Variants in PLXNA2 observed in about 807,000 individuals in gnomAD.
PLXNA2 encodes the protein plexin-A2.
In PLXNA2, 91 loss-of-function variants were observed where a neutral mutation model predicts 193.5. That is an observed-to-expected ratio of 0.47 (90% confidence interval 0.40 to 0.56). The LOEUF is 0.56. Ranked by LOEUF, PLXNA2 falls within the 20% of genes least tolerant of loss-of-function variation. The pLI, the probability that PLXNA2 is intolerant of heterozygous loss-of-function variation, is 0.00. For synonymous variants in PLXNA2, 997 were observed against 1,027.3 expected (o/e 0.97, Z 0.56); for missense variants, 1,995 against 2,503.2 (o/e 0.80, Z 4.33).
chr1:208,147,877 A>G (rs1346221031), intron 3 of PLXNA2, among the ~76,000 whole-genome samples: 1 of 152,090 alleles, frequency 6.6e-6, no homozygotes, highest in Non-Finnish European at 1.5e-5. Context: ...ACAATCTCCT[A>G]TTTCCTGGGG....
At chr1:208,240,637 C>G (rs578020672) in intron 1 of PLXNA2, among the ~76,000 whole-genome samples, 1 of 151,908 alleles carries the variant, frequency 6.6e-6, no homozygotes, top group African/African-American at 2.4e-5. Context: ...GGAACGCACA[C>G]GAGCTGTAAA....
At chr1:208,136,738 G>A (rs141043783) in intron 4 of PLXNA2, among the ~76,000 whole-genome samples, 42 of 152,326 alleles carry the variant, frequency 2.8e-4, no homozygotes, top group Non-Finnish European at 4.6e-4. Context: ...GGCAGCGCTT[G>A]GGAGTAAGCA....
chr1:208,222,396 C>A (rs1436079421), intron 1 of PLXNA2, among the ~76,000 whole-genome samples: 1 of 152,144 alleles, frequency 6.6e-6, no homozygotes, highest in Admixed American at 6.5e-5. Context: ...GTATGCTGCT[C>A]CAGGACTCTC....
intron 13 of PLXNA2, among the ~76,000 whole-genome samples, chr1:208,058,931 G>A (rs187586425): frequency 1.2e-4 from 18 of 152,252 alleles, no homozygotes; most frequent in African/African-American, 3.4e-4. Flanking sequence ...TCTAAAACAC[G>A]GTTTCATTCC....
At chr1:208,198,076 A>G (rs1670416520) in intron 3 of PLXNA2, among the ~76,000 whole-genome samples, 1 of 152,222 alleles carries the variant, frequency 6.6e-6, no homozygotes, top group African/African-American at 2.4e-5. Flanking sequence ...TCCTAATTAT[A>G]TGGCTGCAAA....
intron 3 of PLXNA2, among the ~76,000 whole-genome samples, chr1:208,159,098 C>T (rs966133322): frequency 1.3e-5 from 2 of 152,190 alleles, no homozygotes; most frequent in African/African-American, 4.8e-5. Flanking sequence ...AACAAAACCA[C>T]CATGACTCCA....
chr1:208,128,764 C>T (rs1215825637), intron 4 of PLXNA2, among the ~76,000 whole-genome samples: 2 of 136,984 alleles, frequency 1.5e-5, no homozygotes, highest in African/African-American at 2.8e-5. Context: ...TGCAGTGGAG[C>T]GATCTCGGCT....
At chr1:208,057,353 A>G (rs1041050786) in intron 13 of PLXNA2, among the ~76,000 whole-genome samples, 11 of 151,916 alleles carry the variant, frequency 7.2e-5, no homozygotes, top group African/African-American at 2.2e-4. Context: ...GCTTCTGACC[A>G]CTCCCCTCTA....
intron 26 of PLXNA2, among the ~76,000 whole-genome samples, chr1:208,037,228 G>T (rs1390961706): frequency 6.6e-6 from 1 of 152,174 alleles, no homozygotes; most frequent in Non-Finnish European, 1.5e-5. Flanking sequence ...CTTGAATACA[G>T]CTTCTAAAGC....
chr1:208,062,504 C>T (rs1229122729), intron 12 of PLXNA2, among the ~76,000 whole-genome samples: 1 of 152,208 alleles, frequency 6.6e-6, no homozygotes, highest in Non-Finnish European at 1.5e-5. Flanking sequence ...GAACCCAGAC[C>T]TCCTGCCTGT....
intron 12 of PLXNA2, among the ~76,000 whole-genome samples, chr1:208,070,167 C>G (rs1473301080): frequency 6.6e-6 from 1 of 152,260 alleles, no homozygotes; most frequent in Admixed American, 6.5e-5. Context: ...CTTAGGCACT[C>G]CAGCCCCTTT....
chr1:208,118,400 C>A (rs906704492), intron 4 of PLXNA2, among the ~76,000 whole-genome samples: 16 of 152,230 alleles, frequency 1.1e-4, no homozygotes, highest in African/African-American at 7.2e-5. Flanking sequence ...ACTGGCCACC[C>A]TCTTCCAGGA....
intron 4 of PLXNA2, among the ~76,000 whole-genome samples, chr1:208,104,731 T>G (rs1050870868): frequency 6.6e-6 from 1 of 152,206 alleles, no homozygotes; most frequent in Non-Finnish European, 1.5e-5. Context: ...CCATCCTTCC[T>G]ACATCATCAC....
At chr1:208,098,825 G>T in intron 6 of PLXNA2, 21 bp downstream of exon 6, 1 of 1,612,182 alleles carries the variant, frequency 6.2e-7, no homozygotes, top group Non-Finnish European at 8.5e-7. Context: ...CTCTCCCCAT[G>T]CCCCTGGATG....
chr1:208,121,211 A>C (rs1158503817), intron 4 of PLXNA2, among the ~76,000 whole-genome samples: 2 of 152,146 alleles, frequency 1.3e-5, no homozygotes, highest in African/African-American at 2.4e-5. Flanking sequence ...GGGCTCCGAG[A>C]CTGCCTTAGG....
At chr1:208,194,603 C>T (rs940018671) in intron 3 of PLXNA2, among the ~76,000 whole-genome samples, 12 of 151,952 alleles carry the variant, frequency 7.9e-5, no homozygotes, top group African/African-American at 2.9e-4. Context: ...GAGTCCAAAA[C>T]CAAATAAGGA....
intron 3 of PLXNA2, among the ~76,000 whole-genome samples, chr1:208,166,829 G>C (rs4844412): frequency 1.3e-5 from 2 of 152,052 alleles, no homozygotes; most frequent in African/African-American, 4.8e-5. Flanking sequence ...TAAATAGATG[G>C]ATTCTAAACC....
intron 3 of PLXNA2, among the ~76,000 whole-genome samples, chr1:208,179,520 C>T (rs116441661): frequency 6.6e-6 from 1 of 152,182 alleles, no homozygotes; most frequent in Non-Finnish European, 1.5e-5. Context: ...CACTCACTCC[C>T]CTTCTCCCCC....
chr1:208,039,939 C>T (rs1408399041), intron 23 of PLXNA2, 53 bp downstream of exon 23: 3 of 1,587,908 alleles, frequency 1.9e-6, no homozygotes, highest in East Asian at 4.5e-5. Context: ...AGGATCTAAG[C>T]AGCAGTGCCA....
Sources: allele counts gnomAD v4.1 joint callset (sites outside exome capture counted in the v4.1 genomes callset), GRCh38; gene constraint gnomAD v4.1.1; transcripts MANE v1.5; gene names NCBI Gene and HGNC (gene_info 2026-07-23, HGNC 2026-07-21).